The following RALGAPA2 variants were observed in gnomAD, a reference collection of about 807,000 sequenced individuals.
The protein encoded by RALGAPA2 is Ral GTPase activating protein catalytic subunit alpha 2.
RALGAPA2 carries 139 observed loss-of-function variants against 230.4 expected under a neutral mutation model. That is an observed-to-expected ratio of 0.60 (90% CI 0.53 to 0.69). The LOEUF is 0.69. Ranked by LOEUF, RALGAPA2 falls within the 30% of genes least tolerant of loss-of-function variation. The pLI is 0.00. For synonymous variants in RALGAPA2, 847 were observed against 837.8 expected, an observed-to-expected ratio of 1.01 and a Z score of -0.19; for missense variants, 2,163 against 2,276.0, an observed-to-expected ratio of 0.95 and a Z score of 1.01.
chr20:20,676,723 C>T (rs998100811), intron 2 of RALGAPA2, among the ~76,000 whole-genome samples: 1 of 152,156 alleles, frequency 6.6e-6, no homozygotes, highest in Non-Finnish European at 1.5e-5. Flanking sequence ...ATAATAACAA[C>T]AGTAATAAAA....
At chr20:20,629,708 C>T (rs774204924) in intron 9 of RALGAPA2, 118 bp from the exon 10 acceptor site, 96 of 1,023,958 alleles carry the variant, frequency 9.4e-5, no homozygotes, top group Non-Finnish European at 1.3e-4. Context: ...GCACAGGGTA[C>T]AGCAAACCAA....
chr20:20,635,674 T>A, intron 8 of RALGAPA2, 57 bp from the exon 9 acceptor site: 1 of 1,376,230 alleles, frequency 7.3e-7, no homozygotes. Flanking sequence ...CATTAAGTAA[T>A]CCCTACAAAT....
chr20:20,493,330 T>A (rs1171062513), intron 36 of RALGAPA2, among the ~76,000 whole-genome samples: 3 of 152,248 alleles, frequency 2.0e-5, no homozygotes, highest in South Asian at 2.1e-4. Context: ...CAGTTGGCCA[T>A]TATTCTCTTC....
intron 13 of RALGAPA2, 54 bp downstream of exon 13, chr20:20,615,989 T>A: frequency 7.9e-7 from 1 of 1,267,136 alleles, no homozygotes. Flanking sequence ...TTTAATTATG[T>A]TGAAAAACAG....
intron 10 of RALGAPA2, among the ~76,000 whole-genome samples, chr20:20,628,106 T>C (rs1168485186): frequency 6.6e-5 from 10 of 152,240 alleles, no homozygotes; most frequent in African/African-American, 1.9e-4. Flanking sequence ...ACAAACATTT[T>C]CTTAAGTAAA....
At chr20:20,402,502 G>A (rs372270567) in intron 38 of RALGAPA2, among the ~76,000 whole-genome samples, 5 of 152,204 alleles carry the variant, frequency 3.3e-5, no homozygotes, top group South Asian at 4.1e-4. Flanking sequence ...AGGGCAGGGC[G>A]GGACACGTGG....
intron 1 of RALGAPA2, among the ~76,000 whole-genome samples, chr20:20,687,682 C>T (rs16982078): frequency 0.012 from 1,814 of 152,230 alleles, 35 homozygotes; most frequent in African/African-American, 0.042. Flanking sequence ...GTAAAGCTCA[C>T]GGAAGCTGCT....
intron 1 of RALGAPA2, among the ~76,000 whole-genome samples, chr20:20,697,564 A>G (rs539029566): frequency 6.6e-6 from 1 of 152,288 alleles, no homozygotes; most frequent in Middle Eastern, 3.4e-3. Flanking sequence ...GAAAGACAGG[A>G]GCCAGAATGA....
chr20:20,549,297 C>A (rs1453558896), intron 23 of RALGAPA2, among the ~76,000 whole-genome samples: 1 of 152,160 alleles, frequency 6.6e-6, no homozygotes. Context: ...AGTTGCTATA[C>A]TGATGCTAAA....
At chr20:20,624,896 G>A (rs2066442726) in intron 10 of RALGAPA2, among the ~76,000 whole-genome samples, 1 of 152,052 alleles carries the variant, frequency 6.6e-6, no homozygotes. Context: ...AATGAATGAA[G>A]AATTAAGGAT....
At chr20:20,401,373 A>G (rs2059832976) in intron 38 of RALGAPA2, among the ~76,000 whole-genome samples, 2 of 152,094 alleles carry the variant, frequency 1.3e-5, no homozygotes, top group South Asian at 2.1e-4. Context: ...TGCCACCAGC[A>G]CCTCTCCTGC....
chr20:20,580,451 T>C (rs994013273), intron 20 of RALGAPA2, among the ~76,000 whole-genome samples: 2 of 152,176 alleles, frequency 1.3e-5, no homozygotes, highest in African/African-American at 4.8e-5. Context: ...ATCCTAGGAC[T>C]GGGTACCAGG....
intron 14 of RALGAPA2, among the ~76,000 whole-genome samples, chr20:20,607,513 A>G (rs1440645511): frequency 1.3e-5 from 2 of 152,196 alleles, no homozygotes; most frequent in African/African-American, 4.8e-5. Context: ...CTAAAATGCC[A>G]TCTCCTATTA....
chr20:20,601,129 GA>G (rs2065636588), intron 16 of RALGAPA2, among the ~76,000 whole-genome samples: 1 of 151,908 alleles, frequency 6.6e-6, no homozygotes, highest in Non-Finnish European at 1.5e-5. Flanking sequence ...GAGAAGAAAA[GA>G]AAAGAAAAGA....
intron 3 of RALGAPA2, among the ~76,000 whole-genome samples, chr20:20,656,619 GGTT>G (rs1042067645): frequency 2.4e-4 from 37 of 152,236 alleles, no homozygotes; most frequent in Admixed American, 5.9e-4. Flanking sequence ...ATAAAAACTG[GGTT>G]GTTATGTTAT....
intron 37 of RALGAPA2, among the ~76,000 whole-genome samples, chr20:20,425,892 T>C: frequency 6.6e-6 from 1 of 152,226 alleles, no homozygotes; most frequent in Non-Finnish European, 1.5e-5. Context: ...AAGCAACTGA[T>C]TTCTGGCTAT....
chr20:20,467,475 T>TA (rs1169720567), intron 37 of RALGAPA2, among the ~76,000 whole-genome samples: 1 of 152,184 alleles, frequency 6.6e-6, no homozygotes. Context: ...ACATGATTTC[T>TA]AAAAAAATAT....
intron 37 of RALGAPA2, among the ~76,000 whole-genome samples, chr20:20,415,788 G>A (rs1167754668): frequency 6.6e-6 from 1 of 152,098 alleles, no homozygotes; most frequent in Non-Finnish European, 1.5e-5. Flanking sequence ...GCCTTTACTG[G>A]TTACATTTTA....
intron 1 of RALGAPA2, among the ~76,000 whole-genome samples, chr20:20,690,934 G>A (rs890921589): frequency 1.4e-4 from 22 of 152,074 alleles, no homozygotes; most frequent in African/African-American, 5.3e-4. Context: ...TCCAGGGCCC[G>A]ACTGTCTTTC....
Sources: allele counts gnomAD v4.1 joint callset (sites outside exome capture counted in the v4.1 genomes callset), GRCh38; gene constraint gnomAD v4.1.1; transcripts MANE v1.5; gene names NCBI Gene and HGNC (gene_info 2026-07-23, HGNC 2026-07-21).